PRKACB: variants seen among roughly 807,000 people sequenced by gnomAD.
The protein encoded by PRKACB is protein kinase cAMP-activated catalytic subunit beta.
A neutral mutation model predicts 51.4 loss-of-function variants in PRKACB; 16 were observed. That is an observed-to-expected ratio of 0.31 (90% CI 0.21 to 0.47). The LOEUF (loss-of-function observed/expected upper bound fraction) is 0.47. Among genes scored for constraint, PRKACB ranks in the 20% least tolerant of loss-of-function variants. The probability of loss-of-function intolerance (pLI) is 1.00; values close to 1 mark genes in which losing one functional copy is unlikely to be tolerated. For missense variants in PRKACB, 309 were observed against 464.5 expected, an observed-to-expected ratio of 0.67 and a Z score of 3.08; for synonymous variants, 147 against 154.4, an observed-to-expected ratio of 0.95 and a Z score of 0.35.
chr1:84,216,985 C>G (rs1479941805), intron 9 of PRKACB, among the ~76,000 whole-genome samples: 2 of 152,154 alleles, frequency 1.3e-5, no homozygotes, highest in Non-Finnish European at 2.9e-5. Context: ...TAGGAAGACT[C>G]TGTCTCAAAA....
intron 1 of PRKACB, 117 bp downstream of exon 1, chr1:84,144,665 C>T: frequency 5.3e-6 from 6 of 1,129,340 alleles, no homozygotes; most frequent in Non-Finnish European, 7.3e-6. Context: ...TTCACAAGGA[C>T]ATTTTGCAAG....
At chr1:84,203,911 C>G (rs1291731854) in intron 8 of PRKACB, among the ~76,000 whole-genome samples, 3 of 151,954 alleles carry the variant, frequency 2.0e-5, no homozygotes, top group Admixed American at 2.0e-4. Context: ...CAGCCATATT[C>G]AAGCTCTACA....
At chr1:84,131,631 G>T (rs1652220904) in intron 1 of PRKACB, among the ~76,000 whole-genome samples, 1 of 152,142 alleles carries the variant, frequency 6.6e-6, no homozygotes, top group Non-Finnish European at 1.5e-5. Flanking sequence ...CCCCATCAGA[G>T]AACTGAGATT....
intron 1 of PRKACB, among the ~76,000 whole-genome samples, chr1:84,098,699 T>A (rs1649110166): frequency 6.6e-6 from 1 of 152,028 alleles, no homozygotes; most frequent in Non-Finnish European, 1.5e-5. Context: ...AGTAGTTTGT[T>A]TTTCTCCAGT....
At chr1:84,198,619 A>G (rs1668866854) in intron 7 of PRKACB, among the ~76,000 whole-genome samples, 1 of 152,094 alleles carries the variant, frequency 6.6e-6, no homozygotes, top group Non-Finnish European at 1.5e-5. Context: ...ATATCATTGT[A>G]GTTAACACAT....
At chr1:84,163,540 T>G (rs1656550512) in intron 1 of PRKACB, among the ~76,000 whole-genome samples, 1 of 151,986 alleles carries the variant, frequency 6.6e-6, no homozygotes, top group African/African-American at 2.4e-5. Context: ...CTGCTAGTTT[T>G]CATGACCAGC....
At chr1:84,134,382 G>C (rs1051531636) in intron 1 of PRKACB, among the ~76,000 whole-genome samples, 2 of 152,100 alleles carry the variant, frequency 1.3e-5, no homozygotes, top group Non-Finnish European at 2.9e-5. Flanking sequence ...GAATTTTTCT[G>C]CCTCCTGTTC....
At chr1:84,145,493 A>G (rs1311951520) in intron 1 of PRKACB, among the ~76,000 whole-genome samples, 2 of 152,130 alleles carry the variant, frequency 1.3e-5, no homozygotes, top group East Asian at 1.9e-4. Flanking sequence ...AAAATCAAGA[A>G]TGGCTTACAA....
At chr1:84,083,330 G>C (rs1038980248) in intron 1 of PRKACB, among the ~76,000 whole-genome samples, 1 of 152,176 alleles carries the variant, frequency 6.6e-6, no homozygotes, top group Admixed American at 6.5e-5. Context: ...CCATGATTCT[G>C]TGATTCTGTT....
chr1:84,122,225 T>C (rs1651145698), intron 1 of PRKACB, among the ~76,000 whole-genome samples: 1 of 152,180 alleles, frequency 6.6e-6, no homozygotes, highest in South Asian at 2.1e-4. Flanking sequence ...CTTTAAAATC[T>C]AGTTTCTGTG....
chr1:84,209,274 C>T (rs1369899422), intron 8 of PRKACB, among the ~76,000 whole-genome samples: 1 of 152,154 alleles, frequency 6.6e-6, no homozygotes, highest in Non-Finnish European at 1.5e-5. Context: ...ATTCCATACT[C>T]TTGTATCTAG....
chr1:84,180,183 G>GATATATATATATGTATATATATATATAT (rs1662821437), intron 2 of PRKACB, among the ~76,000 whole-genome samples: 1 of 32,062 alleles, frequency 3.1e-5, no homozygotes, highest in Non-Finnish European at 7.8e-5. Flanking sequence ...AAGAAACTGT[G>GATATATATATATGTATATATATATATAT]ATATATATAT....
intron 2 of PRKACB, among the ~76,000 whole-genome samples, chr1:84,181,024 TAAAA>T (rs771261836): frequency 3.9e-5 from 6 of 152,014 alleles, no homozygotes; most frequent in African/African-American, 1.4e-4. Flanking sequence ...TCTGTGTTGA[TAAAA>T]AAATCTTATG....
rs113748021 is a variant in PRKACB at position 84,112,155 on chromosome 1, G to T, written c.46+33784G>T. 1.8e-3 allele frequency among the ~76,000 whole-genome samples: 278 copies of T among 151,814 alleles called. 1 individual carries two copies. Among genetic ancestry groups the T allele is most frequent in the African/African-American group, 6.4e-3 (265 of 41,414 alleles). Reference sequence around the variant, plus strand: ...GTGATGCAGTAATGTATATCCATTGGTGACATTGCCATTAGCATTGGAGGC... The same window carrying T: ...GTGATGCAGTAATGTATATCCATTGTTGACATTGCCATTAGCATTGGAGGC... On this transcript the variant is annotated intron_variant, in intron 1 of 8. Coordinates refer to the PRKACB transcript ENST00000370688.
chr1:84,109,352 G>T (rs947418185), intron 1 of PRKACB, among the ~76,000 whole-genome samples: 1 of 151,774 alleles, frequency 6.6e-6, no homozygotes, highest in South Asian at 2.1e-4. Context: ...TTGCATGAGG[G>T]TTCTCATTAT....
chr1:84,162,577 T>A (rs1004171993), intron 1 of PRKACB, among the ~76,000 whole-genome samples: 1 of 152,098 alleles, frequency 6.6e-6, no homozygotes, highest in Non-Finnish European at 1.5e-5. Flanking sequence ...TTGGGCTTAC[T>A]ATACTGAGTT....
intron 1 of PRKACB, 65 bp downstream of exon 1, chr1:84,144,613 A>G (rs1341306716): frequency 2.5e-5 from 37 of 1,450,982 alleles, no homozygotes; most frequent in Middle Eastern, 1.8e-4. Context: ...GAGTTTTACA[A>G]TCAAACATAA....
At chr1:84,223,651 G>C (rs527661990) in intron 9 of PRKACB, among the ~76,000 whole-genome samples, 7 of 152,248 alleles carry the variant, frequency 4.6e-5, no homozygotes, top group Non-Finnish European at 8.8e-5. Context: ...TTACAAGCGT[G>C]AGCCACCATG....
Position 84,202,143 on chromosome 1 carries a change from C to G in PRKACB, c.784-540C>G, listed in dbSNP as rs551550127. Reference sequence around the variant, plus strand: ...TTTTACATTAAACTTTTTGCTTTCACAAAATCCTATGAAGCAGATGGGATT... The same window carrying G: ...TTTTACATTAAACTTTTTGCTTTCAGAAAATCCTATGAAGCAGATGGGATT... On this transcript the variant is annotated intron_variant, in intron 7 of 9. Transcript: ENST00000370685. Among the ~76,000 whole-genome samples the G allele has an allele frequency of 5.3e-5, 8 of 152,144 alleles. No individual in the cohort carries two copies. The East Asian group carries it at 1.5e-3, about 29-fold the overall frequency.
Sources: allele counts gnomAD v4.1 joint callset (sites outside exome capture counted in the v4.1 genomes callset), GRCh38; gene constraint gnomAD v4.1.1; transcripts MANE v1.5; gene names NCBI Gene and HGNC (gene_info 2026-07-23, HGNC 2026-07-21).